RNASEL: variants seen among roughly 807,000 people sequenced by gnomAD.
RNASEL encodes ribonuclease L.
In RNASEL, 36 loss-of-function variants were observed where a neutral mutation model predicts 50.9. The ratio of observed to expected loss-of-function variants is 0.71; its 90% CI spans 0.54 to 0.93. The LOEUF is 0.93. Among genes scored for constraint, RNASEL ranks in the 40% least tolerant of loss-of-function variants. RNASEL has a pLI of 0.00. For synonymous variants in RNASEL, 335 were observed against 335.6 expected (o/e 1.00, Z 0.02); for missense variants, 860 against 894.5 (o/e 0.96, Z 0.49).
intron 5 of RNASEL, among the ~76,000 whole-genome samples, chr1:182,577,638 A>G (rs1466751080): frequency 6.6e-6 from 1 of 152,190 alleles, no homozygotes; most frequent in African/African-American, 2.4e-5. Flanking sequence ...AAATCCTAAA[A>G]TTCACATGAA....
intron 5 of RNASEL, chr1:182,578,948 CCATT>C (rs1420259070): frequency 1.3e-5 from 2 of 152,126 alleles, no homozygotes; most frequent in Admixed American, 1.3e-4. Context: ...GAACTGGAGG[CCATT>C]ATTTTAAGTG....
rs1054293144 is a variant in RNASEL at position 182,574,264 on chromosome 1, C to T, written c.*1128G>A. 3 of 225,448 alleles carry T rather than the reference C, an allele frequency of 1.3e-5. No homozygotes were observed. Among genetic ancestry groups the T allele is most frequent in the Non-Finnish European group, 2.6e-5 (3 of 113,360 alleles). The allele number at this position is 225,448 out of a possible 1,614,324, so 14.0% of individuals were successfully genotyped here. ...CAAAGTCAAGAAAAGACAGCCATCG[C>T]CCGTGAGGAGCCTACATTCCAGTGG... On this transcript the variant is annotated 3_prime_UTR_variant, in exon 7 of 7. Transcript: ENST00000367559.
Position 182,573,766 on chromosome 1 carries a change from AT to A in RNASEL, c.*1625del, listed in dbSNP as rs1661334934. On this transcript the variant is annotated 3_prime_UTR_variant, in exon 7 of 7. Coordinates refer to ENST00000367559, the MANE Select transcript of RNASEL (RefSeq NM_021133.4). ...AAAGCAATCTTGCTGCTCATAAAGT[AT>A]TTTTTAAGCCTTAAATTTGTTCCTA... 8.1e-5 allele frequency: 15 copies of A among 185,314 alleles called. No homozygotes were observed. In the East Asian group the frequency reaches 1.3e-3, roughly 16 times the overall value. 11.5% of individuals were successfully genotyped at this position (185,314 alleles called of 1,614,324 possible).
Position 182,586,881 on chromosome 1 carries a change from C to A in RNASEL, c.-75G>T. On this transcript the variant is annotated 5_prime_UTR_variant, in exon 2 of 7. Transcript: ENST00000367559. ...GCAAATTTATCTCCTAGCACTTAAT[C>A]AAAGAAGCTTTGAGTGTAAATTGGG... 1 of 1,591,912 alleles carries A rather than the reference C, an allele frequency of 6.3e-7. No homozygotes were observed. The highest frequency in any genetic ancestry group is 1.1e-5 in the South Asian group (1 of 90,342).
intron 5 of RNASEL, chr1:182,579,587 T>G (rs920573420): frequency 8.6e-7 from 1 of 1,158,050 alleles, no homozygotes; most frequent in African/African-American, 1.6e-5. Flanking sequence ...GCTCCAGACC[T>G]ATGCTGACAA....
At position 182,574,670 on chromosome 1, in the gene RNASEL, G is replaced by A. The variant is rs1324924357; in HGVS notation, c.*722C>T. Reference sequence around the variant, plus strand: ...GCCATAGCATGCTCCCCACAAAGCTGTGACACCAAAAACTTCTTCAGACTC... The same window carrying A: ...GCCATAGCATGCTCCCCACAAAGCTATGACACCAAAAACTTCTTCAGACTC... On this transcript the variant is annotated 3_prime_UTR_variant, in exon 7 of 7. Transcript: ENST00000367559. 6 of 232,830 alleles carry A rather than the reference G, an allele frequency of 2.6e-5. No homozygotes were observed. The highest frequency in any genetic ancestry group is 4.2e-5 in the Non-Finnish European group (5 of 118,018). The allele number at this position is 232,830 out of a possible 1,614,324, so 14.4% of individuals were successfully genotyped here.
intron 1 of RNASEL, among the ~76,000 whole-genome samples, chr1:182,587,357 T>C (rs983249251): frequency 1.3e-5 from 2 of 152,084 alleles, no homozygotes; most frequent in East Asian, 1.9e-4. Flanking sequence ...ATTTCTCTAT[T>C]ACTGAGTGGT....
At chr1:182,581,441 T>C in intron 4 of RNASEL, 84 bp from the exon 5 acceptor site, 7 of 1,541,928 alleles carry the variant, frequency 4.5e-6, no homozygotes, top group East Asian at 2.3e-5. Flanking sequence ...CGTTAGATTT[T>C]GGTGTTTTTT....
At chr1:182,584,280 C>A in intron 2 of RNASEL, 114 bp from the exon 3 acceptor site, 1 of 753,780 alleles carries the variant, frequency 1.3e-6, no homozygotes, top group South Asian at 1.4e-5. Flanking sequence ...CTGTGGAAGG[C>A]AATAATAAAC....
At chr1:182,578,147 C>T (rs1661425677) in intron 5 of RNASEL, 1 of 152,060 alleles carries the variant, frequency 6.6e-6, no homozygotes, top group Non-Finnish European at 1.5e-5. Context: ...TTTAATTAAA[C>T]TAAAAACTTC....
chr1:182,576,930 A>G (rs140640096), intron 5 of RNASEL: 8,453 of 149,876 alleles, frequency 0.056, 355 homozygotes, highest in Non-Finnish European at 0.082. Context: ...GGGCTGGAGT[A>G]CAGTGGTGCG....
intron 5 of RNASEL, among the ~76,000 whole-genome samples, chr1:182,580,616 T>C (rs946073098): frequency 1.3e-5 from 2 of 152,258 alleles, no homozygotes; most frequent in Admixed American, 6.5e-5. Context: ...AGATGTTTGT[T>C]AATTAATAAT....
chr1:182,575,610 T>C, intron 6 of RNASEL, 32 bp from the exon 7 acceptor site: 1 of 1,612,964 alleles, frequency 6.2e-7, no homozygotes, highest in South Asian at 1.1e-5. Context: ...TCAGCATGCT[T>C]GCCCCAAATT....
At chr1:182,581,075 G>A (rs1483491778) in intron 5 of RNASEL, 150 bp downstream of exon 5, 4 of 1,140,700 alleles carry the variant, frequency 3.5e-6, no homozygotes, top group South Asian at 2.5e-5. Context: ...AGGGAGCCTA[G>A]GGGGATAGGG....
At chr1:182,581,155 A>AAGGG (rs1661486103) in intron 5 of RNASEL, 70 bp downstream of exon 5, 2 of 1,610,934 alleles carry the variant, frequency 1.2e-6, no homozygotes, top group East Asian at 4.5e-5. Flanking sequence ...TAAGATAGAA[A>AAGGG]AACTAACATA....
chr1:182,585,743 C>G lies in RNASEL; in HGVS notation c.1064G>C (p.Arg355Pro), dbSNP rs748431676. ...GAACTTGAGTTTGCCAATCATAGGG[C>G]GGTATATTCTGTGGAGATCCTTCAG... ...AALKDLHRIY[R>P]PMIGKLKFFI... is the part of the protein sequence containing the mutation. The change falls in exon 2 of 7, where the codon CGC (arginine) becomes CCC (proline). Residue 355 changes from arginine to proline, a missense_variant. Arg to Pro is a moderately radical substitution (Grantham distance 103, BLOSUM62 -2). Coordinates refer to ENST00000367559, the MANE Select transcript of RNASEL (RefSeq NM_021133.4). The G allele has an allele frequency of 6.2e-7, 1 of 1,613,878 alleles. No individual in the cohort carries two copies. The highest frequency in any genetic ancestry group is 8.5e-7 in the Non-Finnish European group (1 of 1,180,006).
At chr1:182,580,694 G>A (rs1346424140) in intron 5 of RNASEL, among the ~76,000 whole-genome samples, 1 of 152,234 alleles carries the variant, frequency 6.6e-6, no homozygotes, top group Non-Finnish European at 1.5e-5. Flanking sequence ...TATAATTAAT[G>A]CAAGTTAGGT....
intron 5 of RNASEL, among the ~76,000 whole-genome samples, chr1:182,577,673 C>A (rs887421695): frequency 1.3e-5 from 2 of 151,880 alleles, no homozygotes; most frequent in South Asian, 4.2e-4. Flanking sequence ...CAAATAGCCA[C>A]AGGCATCTTA....
chr1:182,582,875 A>G lies in RNASEL; in HGVS notation c.1567-617T>C, dbSNP rs940112903. Among the ~76,000 whole-genome samples, 6 of 152,194 alleles carry G rather than the reference A, an allele frequency of 3.9e-5. No homozygotes were observed. The East Asian group carries it at 1.2e-3, about 29-fold the overall frequency. ...GCAGCACCCTGTAAAACTCTCCAGG[A>G]AAGACCTACCCTGACAGGGTCAGAA... On this transcript the variant is annotated intron_variant, in intron 3 of 6. Transcript: ENST00000367559.
Sources: allele counts gnomAD v4.1 joint callset (sites outside exome capture counted in the v4.1 genomes callset), GRCh38; gene constraint gnomAD v4.1.1; transcripts MANE v1.5; gene names NCBI Gene and HGNC (gene_info 2026-07-23, HGNC 2026-07-21).